The following SHQ1 variants were observed in gnomAD, a reference collection of about 807,000 sequenced individuals.
SHQ1 encodes the protein SHQ1, H/ACA ribonucleoprotein assembly factor, also known as protein SHQ1 homolog.
Under a neutral mutation model 53.8 loss-of-function variants are expected in SHQ1, and 49 were observed. The ratio of observed to expected loss-of-function variants is 0.91; its 90% CI spans 0.72 to 1.16. The LOEUF (loss-of-function observed/expected upper bound fraction) is 1.16, where lower values mean the gene tolerates loss of function less well. Ranked by LOEUF, SHQ1 falls within the 50% of genes most tolerant of loss-of-function variation. The pLI, the probability that SHQ1 is intolerant of heterozygous loss-of-function variation, is 0.00. For missense variants in SHQ1, 738 were observed against 683.1 expected, an observed-to-expected ratio of 1.08 and a Z score of -0.90; for synonymous variants, 243 against 251.0, an observed-to-expected ratio of 0.97 and a Z score of 0.30.
the SHQ1 span, among the ~76,000 whole-genome samples, chr3:72,735,746 A>C: frequency 7.8e-6 from 1 of 127,648 alleles, no homozygotes; most frequent in African/African-American, 2.9e-5. Flanking sequence ...GGAAGGAAGG[A>C]AGGAAGGCAG....
intron 9 of SHQ1, among the ~76,000 whole-genome samples, chr3:72,809,393 G>C (rs1707050506): frequency 6.6e-6 from 1 of 151,378 alleles, no homozygotes. Flanking sequence ...TATTATAGGA[G>C]ACAAATATAT....
At chr3:72,814,299 T>C (rs1707236335) in intron 8 of SHQ1, among the ~76,000 whole-genome samples, 1 of 152,248 alleles carries the variant, frequency 6.6e-6, no homozygotes, top group Non-Finnish European at 1.5e-5. Flanking sequence ...CTCTATTATA[T>C]GCTGATCATG....
intron 10 of SHQ1, among the ~76,000 whole-genome samples, chr3:72,776,767 T>A (rs1170365133): frequency 6.6e-6 from 1 of 152,094 alleles, no homozygotes; most frequent in African/African-American, 2.4e-5. Flanking sequence ...TCAAAGCAAT[T>A]CCAATCAAAA....
At chr3:72,769,335 T>G (rs1416309663) in intron 10 of SHQ1, among the ~76,000 whole-genome samples, 1 of 152,164 alleles carries the variant, frequency 6.6e-6, no homozygotes, top group African/African-American at 2.4e-5. Context: ...CAATTTAAAG[T>G]CTTTAAAAAC....
At chr3:72,822,214 C>T (rs546227697) in intron 6 of SHQ1, among the ~76,000 whole-genome samples, 68 of 152,274 alleles carry the variant, frequency 4.5e-4, no homozygotes, top group South Asian at 2.5e-3. Context: ...AGAAGAGACA[C>T]GCTGTTCGAC....
At chr3:72,844,103 G>A (rs1024667607) in intron 2 of SHQ1, among the ~76,000 whole-genome samples, 3 of 152,158 alleles carry the variant, frequency 2.0e-5, no homozygotes, top group African/African-American at 7.2e-5. Flanking sequence ...TCTACTAAAT[G>A]TAGGGGAAGT....
intron 10 of SHQ1, among the ~76,000 whole-genome samples, chr3:72,766,068 G>T (rs904291629): frequency 6.6e-6 from 1 of 152,112 alleles, no homozygotes; most frequent in African/African-American, 2.4e-5. Flanking sequence ...CTTGGGCCAG[G>T]GGGTGTTCAA....
At chr3:72,805,412 A>G (rs1464974941) in intron 9 of SHQ1, among the ~76,000 whole-genome samples, 1 of 152,186 alleles carries the variant, frequency 6.6e-6, no homozygotes, top group Non-Finnish European at 1.5e-5. Context: ...TTGTTCCCCC[A>G]AAGTTGTCTT....
intron 10 of SHQ1, among the ~76,000 whole-genome samples, chr3:72,751,979 A>G (rs1705394809): frequency 6.6e-6 from 1 of 152,216 alleles, no homozygotes; most frequent in African/African-American, 2.4e-5. Context: ...AATTAAACAC[A>G]TGTAGTAAAC....
In SHQ1 at chr3:72,750,083, CTG is replaced by C. The variant is rs1313168936; in HGVS notation, c.*199_*200del. On this transcript the variant is annotated 3_prime_UTR_variant, in exon 11 of 11. Transcript: ENST00000325599. ...TAGAGAATAATAACAAGAAAAAAGT[CTG>C]TACATGTTTGGTACAGATGCGATTT... 17 of 559,274 alleles carry C rather than the reference CTG, an allele frequency of 3.0e-5. No homozygotes were observed. The African/African-American group carries it at 3.2e-4, about 11-fold the overall frequency. The allele number at this position is 559,274 out of a possible 1,614,324, so 34.6% of individuals were successfully genotyped here.
intron 10 of SHQ1, among the ~76,000 whole-genome samples, chr3:72,756,410 G>A (rs1483110889): frequency 6.6e-6 from 1 of 152,040 alleles, no homozygotes; most frequent in Non-Finnish European, 1.5e-5. Flanking sequence ...CGAGTAGCTG[G>A]GATTACAGGC....
chr3:72,727,012 A>G, the SHQ1 span, among the ~76,000 whole-genome samples: 1 of 152,222 alleles, frequency 6.6e-6, no homozygotes, highest in Non-Finnish European at 1.5e-5. Flanking sequence ...GTCACAATTT[A>G]GTGCTGGAGG....
At chr3:72,803,730 T>C (rs1046656954) in intron 9 of SHQ1, among the ~76,000 whole-genome samples, 5 of 152,174 alleles carry the variant, frequency 3.3e-5, no homozygotes, top group African/African-American at 4.8e-5. Flanking sequence ...CCATAGACAA[T>C]ATGTAAGTGA....
chr3:72,807,811 T>A lies in SHQ1; in HGVS notation c.1060+4860A>T, dbSNP rs751823224. ...CTCATTGATTGTGTTATTTTATCTA[T>A]GGAAGAGGTTAGTAAAGCAGTAATT... On this transcript the variant is annotated intron_variant, in intron 9 of 10. Coordinates refer to ENST00000325599, the MANE Select transcript of SHQ1 (RefSeq NM_018130.3). Among the ~76,000 whole-genome samples, 6 of 152,326 alleles carry A rather than the reference T, an allele frequency of 3.9e-5. No homozygotes were observed. In the South Asian group the frequency reaches 1.2e-3, roughly 32 times the overall value.
intron 9 of SHQ1, chr3:72,794,285 A>G (rs1469511499): frequency 6.6e-6 from 1 of 152,190 alleles, no homozygotes; most frequent in Non-Finnish European, 1.5e-5. Flanking sequence ...TGCTGACACT[A>G]AATTTTTTAA....
chr3:72,729,465 T>G, the SHQ1 span, among the ~76,000 whole-genome samples: 1 of 152,128 alleles, frequency 6.6e-6, no homozygotes. Flanking sequence ...CACACGCCTA[T>G]AGCCACAAAT....
intron 10 of SHQ1, among the ~76,000 whole-genome samples, chr3:72,774,300 T>C (rs1372845657): frequency 1.3e-5 from 2 of 152,108 alleles, no homozygotes; most frequent in African/African-American, 2.4e-5. Context: ...AATATATCAG[T>C]AAAGATACAA....
chr3:72,803,463 T>C (rs1023170328), intron 9 of SHQ1, among the ~76,000 whole-genome samples: 1 of 152,184 alleles, frequency 6.6e-6, no homozygotes, highest in South Asian at 2.1e-4. Flanking sequence ...GAGCCAACTA[T>C]ATCAGCTAAG....
At chr3:72,727,771 C>T in the SHQ1 span, among the ~76,000 whole-genome samples, 3 of 152,176 alleles carry the variant, frequency 2.0e-5, no homozygotes, top group Admixed American at 6.5e-5. Context: ...GTCTTGGTAA[C>T]GGTGTCAGGC....
Sources: allele counts gnomAD v4.1 joint callset (sites outside exome capture counted in the v4.1 genomes callset), GRCh38; gene constraint gnomAD v4.1.1; transcripts MANE v1.5; gene names NCBI Gene and HGNC (gene_info 2026-07-23, HGNC 2026-07-21).